OSBPL6: variants seen among roughly 807,000 people sequenced by gnomAD.
OSBPL6 encodes oxysterol binding protein like 6, also known as oxysterol-binding protein-related protein 6.
Under a neutral mutation model 125.8 loss-of-function variants are expected in OSBPL6, and 49 were observed. That is an observed-to-expected ratio of 0.39 (90% confidence interval 0.31 to 0.49). OSBPL6 has a LOEUF of 0.49. Among genes scored for constraint, OSBPL6 ranks in the 20% least tolerant of loss-of-function variants. The pLI, the probability that OSBPL6 is intolerant of heterozygous loss-of-function variation, is 0.88. For synonymous variants in OSBPL6, 394 were observed against 391.8 expected, an observed-to-expected ratio of 1.01 and a Z score of -0.07; for missense variants, 986 against 1,135.4, an observed-to-expected ratio of 0.87 and a Z score of 1.89.
intron 8 of OSBPL6, among the ~76,000 whole-genome samples, chr2:178,335,427 T>C (rs531691054): frequency 6.6e-6 from 1 of 152,260 alleles, no homozygotes; most frequent in South Asian, 2.1e-4. Context: ...TTTATCAACA[T>C]GCAATAAAGA....
In OSBPL6 at chr2:178,339,683, A is replaced by G; in HGVS notation, c.906A>G (p.Val302=). The G allele has an allele frequency of 1.2e-6, 2 of 1,605,056 alleles. No homozygotes were observed. Among genetic ancestry groups the G allele is most frequent in the Non-Finnish European group, 8.5e-7 (1 of 1,176,310 alleles). ...TTTGTGTAATGTAGGCTAACTGTGT[A>G]GATATTTCAAAGAAAGACAAGCGGG... is the stretch of plus-strand genomic sequence containing the variant. ...PNFTDMQANC[V]DISKKDKRVT... Residue 302 remains valine (V), a synonymous_variant, in exon 11 of 25, where the codon GTA becomes GTG. Coordinates refer to ENST00000190611, the MANE Select transcript of OSBPL6 (RefSeq NM_032523.4).
At position 178,275,927 on chromosome 2, in the gene OSBPL6, A is replaced by G. The variant is rs114121241; in HGVS notation, c.-350-9000A>G. Among the ~76,000 whole-genome samples, 396 of 152,340 alleles carry G rather than the reference A, an allele frequency of 2.6e-3. 5 individuals carry two copies. Among genetic ancestry groups the G allele is most frequent in the African/African-American group, 9.4e-3 (389 of 41,574 alleles). On this transcript the variant is annotated intron_variant, in intron 1 of 24. Coordinates refer to ENST00000190611, the MANE Select transcript of OSBPL6 (RefSeq NM_032523.4). ...TTTCCAGATGAGGAACCCGAGGCACAGAGAAGTAAAATAATTTTCACAAGG... is the reference window on the plus strand; with the variant it reads ...TTTCCAGATGAGGAACCCGAGGCACGGAGAAGTAAAATAATTTTCACAAGG...
chr2:178,296,799 G>A (rs542581488), intron 2 of OSBPL6, among the ~76,000 whole-genome samples: 2 of 152,258 alleles, frequency 1.3e-5, no homozygotes, highest in Admixed American at 6.5e-5. Context: ...TGGATTCTCG[G>A]TTATGTCAGC....
chr2:178,288,944 C>T (rs542719717), intron 2 of OSBPL6, among the ~76,000 whole-genome samples: 2 of 151,674 alleles, frequency 1.3e-5, no homozygotes, highest in African/African-American at 4.8e-5. Context: ...GCCACCGTGC[C>T]CGGCCAGGGA....
rs1162481558 is a variant in OSBPL6 at position 178,328,394 on chromosome 2, T to C, written c.318+16T>C. 6.2e-7 allele frequency: 1 copy of C among 1,610,472 alleles called. No homozygotes were observed. On this transcript the variant is annotated intron_variant, in intron 5 of 24. Transcript: ENST00000190611. Reference sequence around the variant, plus strand: ...CTGGCACAAGGTAACATTTTTATCATATTCAGGTTCAGACCATCTTCATAA... The same window carrying C: ...CTGGCACAAGGTAACATTTTTATCACATTCAGGTTCAGACCATCTTCATAA...
At chr2:178,304,240 G>A (rs1237817043) in intron 2 of OSBPL6, among the ~76,000 whole-genome samples, 1 of 152,146 alleles carries the variant, frequency 6.6e-6, no homozygotes, top group Non-Finnish European at 1.5e-5. Flanking sequence ...CAATTCTCAT[G>A]CTGCTAATAA....
chr2:178,318,865 C>T (rs1322066541), intron 3 of OSBPL6, among the ~76,000 whole-genome samples: 1 of 152,202 alleles, frequency 6.6e-6, no homozygotes, highest in Non-Finnish European at 1.5e-5. Context: ...GCGTAAGATT[C>T]CTAGATATTT....
At chr2:178,236,675 A>T (rs932832972) in intron 1 of OSBPL6, among the ~76,000 whole-genome samples, 2 of 152,230 alleles carry the variant, frequency 1.3e-5, no homozygotes, top group Admixed American at 6.5e-5. Flanking sequence ...GTAGGAATGT[A>T]TGATATAGTC....
chr2:178,242,386 A>C (rs932415117), intron 1 of OSBPL6, among the ~76,000 whole-genome samples: 2 of 152,132 alleles, frequency 1.3e-5, no homozygotes, highest in Non-Finnish European at 2.9e-5. Flanking sequence ...TGTAATCCCA[A>C]TTCCCACATC....
chr2:178,257,672 G>A (rs1229445056), intron 1 of OSBPL6, among the ~76,000 whole-genome samples: 1 of 152,122 alleles, frequency 6.6e-6, no homozygotes, highest in Non-Finnish European at 1.5e-5. Flanking sequence ...GTGTGCAGGG[G>A]TCATTATCTC....
chr2:178,224,477 C>A (rs1259241155), intron 1 of OSBPL6, among the ~76,000 whole-genome samples: 3 of 152,210 alleles, frequency 2.0e-5, no homozygotes, highest in African/African-American at 4.8e-5. Flanking sequence ...CTTTGATTGA[C>A]TCCTTTTTAA....
At chr2:178,234,460 A>G (rs1234048713) in intron 1 of OSBPL6, among the ~76,000 whole-genome samples, 2 of 152,170 alleles carry the variant, frequency 1.3e-5, no homozygotes, top group East Asian at 3.8e-4. Context: ...GTTTTAAGAT[A>G]ATTATAGATT....
rs775315470 is a variant in OSBPL6, at chr2:178,332,914, G to A, written c.530G>A (p.Arg177Gln). 3 of 1,613,912 alleles carry A rather than the reference G, an allele frequency of 1.9e-6. No homozygotes were observed. The highest frequency in any genetic ancestry group is 1.1e-5 in the South Asian group (1 of 91,068). Reference protein sequence around the residue: ...DWFDAWVSKLRHHRLYRQNEI... With the variant: ...DWFDAWVSKLQHHRLYRQNEI... ...TTTGATGCATGGGTCTCCAAACTGC[G>A]ACATCATCGGTTGTATCGTCAGAAT... The change falls in exon 8 of 25, where the codon CGA becomes CAA. Residue 177 changes from arginine to glutamine, a missense_variant. Physicochemically the swap from Arg to Gln is conservative, Grantham distance 43. Around this residue, in one of 3 missense-constraint regions of OSBPL6, gnomAD observed 843 missense variants for 997.3 expected, o/e 0.85. Transcript: ENST00000190611.
intron 1 of OSBPL6, among the ~76,000 whole-genome samples, chr2:178,239,224 G>T (rs1372207631): frequency 1.3e-5 from 2 of 152,258 alleles, no homozygotes; most frequent in East Asian, 3.9e-4. Context: ...ACATGCAATA[G>T]AATTATGTTA....
At chr2:178,195,229 A>G (rs1438146326) in intron 1 of OSBPL6, among the ~76,000 whole-genome samples, 2 of 151,848 alleles carry the variant, frequency 1.3e-5, no homozygotes, top group African/African-American at 4.8e-5. Context: ...TGCACTGCGG[A>G]CTGCCCTCGC....
intron 3 of OSBPL6, among the ~76,000 whole-genome samples, chr2:178,321,522 G>C (rs1396685373): frequency 6.6e-6 from 1 of 152,146 alleles, no homozygotes; most frequent in African/African-American, 2.4e-5. Flanking sequence ...TTAAAACCAT[G>C]AGTTTGGAGA....
chr2:178,195,700 A>C (rs2088845180), intron 1 of OSBPL6, among the ~76,000 whole-genome samples: 1 of 152,112 alleles, frequency 6.6e-6, no homozygotes, highest in African/African-American at 2.4e-5. Context: ...TTGCCAGATT[A>C]TTTCTCTCTT....
At position 178,285,811 on chromosome 2, in the gene OSBPL6, G is replaced by A. The variant is rs561203443; in HGVS notation, c.-156+690G>A. 2.9e-3 allele frequency among the ~76,000 whole-genome samples: 435 copies of A among 152,296 alleles called. 2 individuals carry two copies. The highest frequency in any genetic ancestry group is 3.3e-3 in the Admixed American group (51 of 15,300). ...AGTTTGTGGCATTAATCGTCTTCGG[G>A]AGCTTTTTACAAGCTGCACATCCTC... On this transcript the variant is annotated intron_variant, in intron 2 of 24. Coordinates refer to ENST00000190611, the MANE Select transcript of OSBPL6 (RefSeq NM_032523.4).
At chr2:178,259,233 T>G (rs1420254313) in intron 1 of OSBPL6, among the ~76,000 whole-genome samples, 1 of 152,252 alleles carries the variant, frequency 6.6e-6, no homozygotes, top group Non-Finnish European at 1.5e-5. Context: ...ATATATGTTT[T>G]TGTTATTTTA....
Sources: allele counts gnomAD v4.1 joint callset (sites outside exome capture counted in the v4.1 genomes callset), GRCh38; gene constraint gnomAD v4.1.1; regional missense constraint gnomAD v4.1.1; transcripts MANE v1.5; gene names NCBI Gene and HGNC (gene_info 2026-07-23, HGNC 2026-07-21).